SLC6A6: variants seen among roughly 807,000 people sequenced by gnomAD.
SLC6A6 encodes the protein solute carrier family 6 member 6.
Under a neutral mutation model 68.8 loss-of-function variants are expected in SLC6A6, and 16 were observed. The observed-to-expected ratio is 0.23, with a 90% CI of 0.16 to 0.35. The LOEUF is 0.35. Among genes scored for constraint, SLC6A6 ranks in the 10% least tolerant of loss-of-function variants. The pLI is 1.00. For synonymous variants in SLC6A6, 312 were observed against 315.4 expected (o/e 0.99, Z 0.12); for missense variants, 474 against 802.8 (o/e 0.59, Z 4.95).
At chr3:14,406,068 CA>C (rs1282919017) in intron 1 of SLC6A6, among the ~76,000 whole-genome samples, 13 of 152,074 alleles carry the variant, frequency 8.5e-5, no homozygotes, top group Non-Finnish European at 1.5e-4. Flanking sequence ...GCAGAGTAGC[CA>C]CAAGGGCACA....
In SLC6A6 at chr3:14,430,109, G is replaced by A. The variant is rs556045964; in HGVS notation, c.-11-13515G>A. Among the ~76,000 whole-genome samples, 31 of 152,264 alleles carry A rather than the reference G, an allele frequency of 2.0e-4. 1 individual carries two copies. The South Asian group carries it at 6.0e-3, about 30-fold the overall frequency. On this transcript the variant is annotated intron_variant, in intron 2 of 14. Transcript: ENST00000622186. The stretch of plus-strand genomic sequence containing the variant: ...GCACAGACTTGAAAGGGGCAGTGCC[G>A]GGGAGAGAGTCATGCTGGGCAAAAG...
intron 6 of SLC6A6, 102 bp downstream of exon 6, chr3:14,458,184 G>T (rs1700414648): frequency 1.9e-6 from 2 of 1,039,098 alleles, no homozygotes; most frequent in Admixed American, 1.8e-5. Flanking sequence ...CAAGAGGGAG[G>T]TGGCCAGTGG....
intron 2 of SLC6A6, among the ~76,000 whole-genome samples, chr3:14,427,049 C>G (rs567936501): frequency 6.8e-6 from 1 of 146,534 alleles, no homozygotes; most frequent in East Asian, 1.9e-4. Context: ...CTGGAAGGAG[C>G]ATTGTGACCT....
chr3:14,480,559 C>T (rs1009076277), intron 13 of SLC6A6, among the ~76,000 whole-genome samples: 1 of 152,194 alleles, frequency 6.6e-6, no homozygotes, highest in Non-Finnish European at 1.5e-5. Flanking sequence ...CACGTAGGGA[C>T]GGGAACAACA....
intron 2 of SLC6A6, among the ~76,000 whole-genome samples, chr3:14,436,595 T>A (rs1699860638): frequency 1.5e-5 from 2 of 133,726 alleles, no homozygotes; most frequent in African/African-American, 5.8e-5. Context: ...GCTTAATTGT[T>A]AAACACTAGG....
At chr3:14,409,323 A>G (rs923900203) in intron 1 of SLC6A6, among the ~76,000 whole-genome samples, 2 of 152,308 alleles carry the variant, frequency 1.3e-5, no homozygotes, top group South Asian at 2.1e-4. Context: ...ACCCCCACCC[A>G]GGACTTGCCC....
chr3:14,458,742 A>G (rs1184628517), intron 6 of SLC6A6, among the ~76,000 whole-genome samples: 1 of 152,262 alleles, frequency 6.6e-6, no homozygotes, highest in African/African-American at 2.4e-5. Flanking sequence ...CTCCAATGTT[A>G]GTTGTTCAGG....
At chr3:14,460,592 G>A (rs1411135830) in intron 6 of SLC6A6, among the ~76,000 whole-genome samples, 1 of 152,206 alleles carries the variant, frequency 6.6e-6, no homozygotes, top group Non-Finnish European at 1.5e-5. Context: ...GTCCGCCAGG[G>A]ACAGTGAGCA....
intron 6 of SLC6A6, 35 bp downstream of exon 6, chr3:14,458,117 G>T (rs755694932): frequency 1.2e-6 from 2 of 1,606,688 alleles, no homozygotes; most frequent in Non-Finnish European, 1.7e-6. Context: ...CTGCCTCCTG[G>T]AGAGCTGTGC....
rs115645384 is a variant in SLC6A6, at chr3:14,450,496, C to T, written c.599+2680C>T. On this transcript the variant is annotated intron_variant, in intron 5 of 14. Transcript: ENST00000622186. This position sits in a 1 kb window ranked among gnomAD's most constrained non-coding sequence, Gnocchi z 4.1. The stretch of plus-strand genomic sequence containing the variant: ...CCAGCTTGGTACTCACCTCCCACTC[C>T]AGCTCTCACACCTCTCCTACCCCTG... 0.012 allele frequency among the ~76,000 whole-genome samples: 1,882 copies of T among 152,300 alleles called. 24 individuals carry two copies. The highest frequency in any genetic ancestry group is 0.021 in the Non-Finnish European group (1,425 of 68,028).
intron 10 of SLC6A6, among the ~76,000 whole-genome samples, chr3:14,473,979 C>T (rs1700813101): frequency 6.6e-6 from 1 of 152,204 alleles, no homozygotes; most frequent in African/African-American, 2.4e-5. Flanking sequence ...TGGTGGAGGA[C>T]ACGCATCTCT....
intron 14 of SLC6A6, among the ~76,000 whole-genome samples, chr3:14,484,216 A>G (rs1346881866): frequency 6.6e-6 from 1 of 152,200 alleles, no homozygotes; most frequent in Non-Finnish European, 1.5e-5. Flanking sequence ...CTGTGAGGAC[A>G]AAACTCACCC....
Position 14,456,955 on chromosome 3 carries a change from C to G in SLC6A6, c.600-995C>G, listed in dbSNP as rs115937700. ...GCCGATGTCTCTGTTCTCAGCGTGG[C>G]TGTCCTCGATCACTGTTGCAGCAGT... On this transcript the variant is annotated intron_variant, in intron 5 of 14. Transcript: ENST00000622186. Among the ~76,000 whole-genome samples, 1,084 of 152,364 alleles carry G rather than the reference C, an allele frequency of 7.1e-3. 12 individuals carry two copies. Among genetic ancestry groups the G allele is most frequent in the African/African-American group, 0.025 (1,030 of 41,578 alleles).
chr3:14,460,927 G>A (rs975994967), intron 6 of SLC6A6, among the ~76,000 whole-genome samples: 2 of 152,212 alleles, frequency 1.3e-5, no homozygotes, highest in Non-Finnish European at 2.9e-5. Context: ...TGTGGCTGAC[G>A]TGGGGGCTGG....
rs535269026 is a variant in SLC6A6 at position 14,443,921 on chromosome 3, G to A, written c.229+58G>A. ...CCAGTACAAAGCCGCCTTAGAGCTGGAGGCTGGGACCAGAGCGTGGGTGGC... is the reference window on the plus strand; with the variant it reads ...CCAGTACAAAGCCGCCTTAGAGCTGAAGGCTGGGACCAGAGCGTGGGTGGC... On this transcript the variant is annotated intron_variant, in intron 3 of 14. Coordinates refer to ENST00000622186, the MANE Select transcript of SLC6A6 (RefSeq NM_003043.6). 3.9e-6 allele frequency: 5 copies of A among 1,268,170 alleles called. No individual in the cohort carries two copies. The South Asian group carries it at 6.0e-5, about 15-fold the overall frequency. 78.6% of individuals were successfully genotyped at this position (1,268,170 alleles called of 1,614,324 possible). A position where few individuals can be genotyped will look rare whatever the true frequency, so the allele number is the denominator to read the frequency against.
At chr3:14,404,050 C>G (rs932985324) in intron 1 of SLC6A6, among the ~76,000 whole-genome samples, 15 of 152,368 alleles carry the variant, frequency 9.8e-5, no homozygotes, top group African/African-American at 3.1e-4. Context: ...TGCCCAGACA[C>G]TTGAATGGAG....
intron 1 of SLC6A6, among the ~76,000 whole-genome samples, chr3:14,409,241 T>A (rs953055026): frequency 3.3e-5 from 5 of 152,248 alleles, no homozygotes; most frequent in Non-Finnish European, 5.9e-5. Context: ...ACAGCCAGCC[T>A]GCATTTGGGA....
At chr3:14,461,655 T>C (rs188169518) in intron 6 of SLC6A6, among the ~76,000 whole-genome samples, 56 of 152,238 alleles carry the variant, frequency 3.7e-4, no homozygotes, top group African/African-American at 1.3e-3. Context: ...AAGCAGGGGG[T>C]AGTCAGAGCC....
intron 10 of SLC6A6, among the ~76,000 whole-genome samples, chr3:14,475,033 G>A (rs1700841726): frequency 6.6e-6 from 1 of 152,150 alleles, no homozygotes; most frequent in Non-Finnish European, 1.5e-5. Flanking sequence ...AGAGGGACAC[G>A]GTTTTTTGTT....
Sources: gnomAD v4.1 joint callset for allele counts (sites outside exome capture counted in the v4.1 genomes callset) on GRCh38, gnomAD v4.1.1 for gene constraint, Gnocchi (gnomAD v3.1) non-coding constraint, MANE v1.5 for transcripts, NCBI Gene and HGNC (gene_info 2026-07-23, HGNC 2026-07-21) for gene names.